Variants in DHRSX observed in about 807,000 individuals in gnomAD.
DHRSX encodes the protein polyprenol dehydrogenase.
Under a neutral mutation model 34.0 loss-of-function variants are expected in DHRSX, and 31 were observed. The ratio of observed to expected loss-of-function variants is 0.91; its 90% CI spans 0.69 to 1.23. DHRSX has a LOEUF of 1.23. DHRSX is among the 50% of genes most tolerant of loss of function. The pLI is 0.00. For missense variants in DHRSX, 414 were observed against 428.1 expected (o/e 0.97, Z 0.29); for synonymous variants, 201 against 183.8 (o/e 1.09, Z -0.76).
In DHRSX at chrX:2,392,832, T is replaced by G. The variant is rs999585995; in HGVS notation, c.286+15913A>C. ...TTATTTATAATGACACAAATATAAT[T>G]TATAGTTATCATTATATATTTATGT... On this transcript the variant is annotated intron_variant, in intron 3 of 6. Transcript: ENST00000334651. Among the ~76,000 whole-genome samples the G allele has an allele frequency of 7.8e-5, 11 of 141,044 alleles. No homozygotes were observed. The Admixed American group carries it at 8.0e-4, about 10-fold the overall frequency. The allele number at this position is 141,044 out of a possible 152,430, so 92.5% of individuals were successfully genotyped here. A position where few individuals can be genotyped will look rare whatever the true frequency, so the allele number is the denominator to read the frequency against.
chrX:2,370,590 G>GAAAAAA lies in DHRSX; in HGVS notation c.286+38149_286+38154dup, dbSNP rs59435030. Among the ~76,000 whole-genome samples, 80 of 132,680 alleles carry GAAAAAA rather than the reference G, an allele frequency of 6.0e-4. 2 individuals carry two copies. The highest frequency in any genetic ancestry group is 2.3e-3 in the African/African-American group (76 of 33,278). 87.0% of individuals were successfully genotyped at this position (132,680 alleles called of 152,430 possible). A position where few individuals can be genotyped will look rare whatever the true frequency, so the allele number is the denominator to read the frequency against. ...TTGTCTTCCAGAAAATGGTTTTACT[G>GAAAAAA]AAAAAAAAAAAAAAAAAATTCCCTT... On this transcript the variant is annotated intron_variant, in intron 3 of 6. Coordinates refer to ENST00000334651, the MANE Select transcript of DHRSX (RefSeq NM_145177.3).
intron 1 of DHRSX, among the ~76,000 whole-genome samples, chrX:2,445,063 G>A (rs1280849697): frequency 1.4e-4 from 21 of 151,936 alleles, no homozygotes; most frequent in African/African-American, 3.4e-4. Flanking sequence ...AGGCTGAGGC[G>A]GGGGAATTGC....
chrX:2,324,768 TC>T (rs969174990), intron 3 of DHRSX, among the ~76,000 whole-genome samples: 3 of 146,158 alleles, frequency 2.1e-5, no homozygotes, highest in Admixed American at 7.3e-5. Flanking sequence ...TTTTTTCTTT[TC>T]TTTTTTTTTT....
chrX:2,488,760 C>G (rs771586037), intron 1 of DHRSX: 1 of 1,613,954 alleles, frequency 6.2e-7, no homozygotes, highest in Non-Finnish European at 8.5e-7. Flanking sequence ...GCCTCTGCCC[C>G]ACTCCGGGCG....
chrX:2,314,604 TG>T (rs1414215835), intron 3 of DHRSX, among the ~76,000 whole-genome samples: 3 of 151,886 alleles, frequency 2.0e-5, no homozygotes, highest in African/African-American at 4.8e-5. Context: ...AAATATATTT[TG>T]GGGTTAAATA....
At position 2,266,903 on chromosome X, in the gene DHRSX, C is replaced by G; in HGVS notation, c.433G>C (p.Glu145Gln). The change falls in exon 5 of 7, where the codon GAA becomes CAA. Residue 145 changes from glutamate to glutamine, a missense_variant. Coordinates refer to ENST00000334651, the MANE Select transcript of DHRSX (RefSeq NM_145177.3). ...VPQRKTRDGF[E>Q]EHFGLNYLGH... ...AGGTAGTTCAGGCCGAAATGTTCTT[C>G]GAATCCATCTCTGGTTTTCCTCTGA... 3.7e-6 allele frequency: 6 copies of G among 1,613,942 alleles called. No individual in the cohort carries two copies. Among genetic ancestry groups the G allele is most frequent in the South Asian group, 1.1e-5 (1 of 91,070 alleles).
intron 1 of DHRSX, among the ~76,000 whole-genome samples, chrX:2,467,412 C>T (rs1167110492): frequency 6.6e-6 from 1 of 152,204 alleles, no homozygotes; most frequent in Non-Finnish European, 1.5e-5. Flanking sequence ...AGCATCCTCA[C>T]CAGCCTCAGG....
At chrX:2,306,606 C>T (rs1311321005) in intron 3 of DHRSX, among the ~76,000 whole-genome samples, 6 of 152,030 alleles carry the variant, frequency 3.9e-5, no homozygotes, top group African/African-American at 1.4e-4. Context: ...ACGCGCACCA[C>T]CACGCCTGGC....
At chrX:2,265,817 C>CGCCACACCGCACAGACAG in intron 5 of DHRSX, among the ~76,000 whole-genome samples, 1 of 140,284 alleles carries the variant, frequency 7.1e-6, no homozygotes, top group South Asian at 2.3e-4. Flanking sequence ...ACGCAGGGAG[C>CGCCACACCGCACAGACAG]ACTGTCCTCA....
At chrX:2,309,753 G>A (rs1245298231) in intron 3 of DHRSX, among the ~76,000 whole-genome samples, 1 of 151,986 alleles carries the variant, frequency 6.6e-6, no homozygotes, top group Non-Finnish European at 1.5e-5. Flanking sequence ...ACAAAAGGAA[G>A]TCATAAAAAA....
chrX:2,447,689 T>C (rs2124673028), intron 1 of DHRSX, among the ~76,000 whole-genome samples: 1 of 150,312 alleles, frequency 6.7e-6, no homozygotes, highest in East Asian at 2.0e-4. Flanking sequence ...CACAGTGGAA[T>C]AGTATGCAGC....
At chrX:2,376,990 T>C (rs7060343) in intron 3 of DHRSX, among the ~76,000 whole-genome samples, 49,767 of 149,470 alleles carry the variant, frequency 0.33, 8,400 homozygotes, top group Non-Finnish European at 0.36. Context: ...GCAAAAACTC[T>C]ATCTCAAAAA....
At chrX:2,228,537 A>C (rs1224442200) in intron 6 of DHRSX, among the ~76,000 whole-genome samples, 3 of 138,888 alleles carry the variant, frequency 2.2e-5, no homozygotes, top group Non-Finnish European at 4.7e-5. Context: ...GGACTGGAGG[A>C]AAAAAGAGAA....
chrX:2,431,239 G>A (rs2043917290), intron 1 of DHRSX, among the ~76,000 whole-genome samples: 1 of 150,602 alleles, frequency 6.6e-6, no homozygotes, highest in Non-Finnish European at 1.5e-5. Flanking sequence ...GCAGGAGAAT[G>A]GCGTGAACCT....
chrX:2,415,525 C>G (rs2043682063), intron 2 of DHRSX, among the ~76,000 whole-genome samples: 1 of 151,928 alleles, frequency 6.6e-6, no homozygotes, highest in South Asian at 2.1e-4. Flanking sequence ...TAATATAATT[C>G]AATTAGATCT....
chrX:2,342,831 C>T (rs2124563957), intron 3 of DHRSX, among the ~76,000 whole-genome samples: 1 of 152,238 alleles, frequency 6.6e-6, no homozygotes, highest in Admixed American at 6.5e-5. Context: ...GCAACTTAAA[C>T]ACAACTTTGC....
At chrX:2,418,693 G>T (rs2043729218) in intron 2 of DHRSX, among the ~76,000 whole-genome samples, 2 of 152,048 alleles carry the variant, frequency 1.3e-5, no homozygotes, top group South Asian at 4.1e-4. Context: ...GAAGCCACTA[G>T]GCTCACATCC....
intron 1 of DHRSX, among the ~76,000 whole-genome samples, chrX:2,478,872 T>C (rs1468406987): frequency 6.6e-6 from 1 of 151,534 alleles, no homozygotes; most frequent in African/African-American, 2.4e-5. Flanking sequence ...CACCACGGTG[T>C]ACACACTGAA....
intron 3 of DHRSX, among the ~76,000 whole-genome samples, chrX:2,403,159 G>A (rs6642060): frequency 6.6e-6 from 1 of 152,102 alleles, no homozygotes; most frequent in Admixed American, 6.6e-5. Flanking sequence ...CTGGGATTCA[G>A]GGGTGAGCCA....
Sources: allele counts gnomAD v4.1 joint callset (sites outside exome capture counted in the v4.1 genomes callset), GRCh38; gene constraint gnomAD v4.1.1; transcripts MANE v1.5; gene names NCBI Gene and HGNC (gene_info 2026-07-23, HGNC 2026-07-21).